The following EML5 variants were observed in gnomAD, a reference collection of about 807,000 sequenced individuals.
EML5 encodes EMAP like 5, also known as echinoderm microtubule-associated protein-like 5.
Under a neutral mutation model 250.0 loss-of-function variants are expected in EML5, and 120 were observed. That is an observed-to-expected ratio of 0.48 (90% CI 0.41 to 0.56). The LOEUF is 0.56. Among genes scored for constraint, EML5 ranks in the 20% least tolerant of loss-of-function variants. EML5 has a pLI of 0.00. For missense variants in EML5, 2,006 were observed against 2,437.6 expected (o/e 0.82, Z 3.73); for synonymous variants, 771 against 806.5 (o/e 0.96, Z 0.75).
chr14:88,786,586 G>A (rs146669025), intron 1 of EML5, among the ~76,000 whole-genome samples: 21 of 152,252 alleles, frequency 1.4e-4, no homozygotes, highest in African/African-American at 3.9e-4. Context: ...ATCTCATCTC[G>A]AATTGTACTC....
At position 88,700,495 on chromosome 14, in the gene EML5, A is replaced by G. The variant is rs151322404; in HGVS notation, c.2238+1951T>C. On this transcript the variant is annotated intron_variant, in intron 14 of 43. Transcript: ENST00000554922. The stretch of plus-strand genomic sequence containing the variant: ...TTCAGGAAACAAAGCATCAAAACAC[A>G]AAGGAAAAATTTCCAATCAAGGAAT... Among the ~76,000 whole-genome samples, 869 of 152,278 alleles carry G rather than the reference A, an allele frequency of 5.7e-3. 9 individuals carry two copies. Among genetic ancestry groups the G allele is most frequent in the South Asian group, 0.054 (262 of 4,816 alleles).
At chr14:88,667,618 T>C (rs1412118366) in intron 21 of EML5, among the ~76,000 whole-genome samples, 1 of 152,160 alleles carries the variant, frequency 6.6e-6, no homozygotes, top group African/African-American at 2.4e-5. Context: ...CCTCACAGAC[T>C]TTTTTGCTAG....
intron 1 of EML5, among the ~76,000 whole-genome samples, chr14:88,781,847 T>C (rs1377137441): frequency 6.6e-6 from 1 of 152,234 alleles, no homozygotes; most frequent in African/African-American, 2.4e-5. Context: ...ATTAAACCTC[T>C]TTCCTTTACA....
At chr14:88,711,150 T>C (rs1024550091) in intron 10 of EML5, among the ~76,000 whole-genome samples, 4 of 152,002 alleles carry the variant, frequency 2.6e-5, no homozygotes, top group African/African-American at 4.8e-5. Flanking sequence ...GTCCTGGCTA[T>C]GTGGTGGGAC....
chr14:88,628,033 T>C (rs773894245), intron 33 of EML5: 1 of 594,202 alleles, frequency 1.7e-6, no homozygotes, highest in Non-Finnish European at 3.0e-6. Context: ...ATAGAACACT[T>C]CTTCAGGCCA....
intron 21 of EML5, among the ~76,000 whole-genome samples, chr14:88,677,540 T>C (rs1044501173): frequency 6.6e-6 from 1 of 152,228 alleles, no homozygotes; most frequent in Non-Finnish European, 1.5e-5. Context: ...AGAAAATTTT[T>C]TGCAATCTGT....
rs2087270956 is a variant in EML5, at chr14:88,614,319, C to T, written c.*1499G>A. ...GAATCCACTGATGAACAAGTACCAA[C>T]TTACGTTTCAAGCTTCTTAGCCCCA... On this transcript the variant is annotated 3_prime_UTR_variant, in exon 44 of 44. Coordinates refer to ENST00000554922, the MANE Select transcript of EML5 (RefSeq NM_183387.3). 1 of 152,186 alleles carries T rather than the reference C, an allele frequency of 6.6e-6. No individual in the cohort carries two copies. Among genetic ancestry groups the T allele is most frequent in the African/African-American group, 2.4e-5 (1 of 41,440 alleles). 9.4% of individuals were successfully genotyped at this position (152,186 alleles called of 1,614,324 possible). A position where few individuals can be genotyped will look rare whatever the true frequency, so the allele number is the denominator to read the frequency against.
chr14:88,742,992 G>A (rs1317635413), intron 4 of EML5, among the ~76,000 whole-genome samples: 1 of 152,004 alleles, frequency 6.6e-6, no homozygotes, highest in Non-Finnish European at 1.5e-5. Flanking sequence ...ATTCCAATTT[G>A]TTCCAATGAT....
At chr14:88,630,601 T>G (rs919606739) in intron 33 of EML5, among the ~76,000 whole-genome samples, 4 of 152,186 alleles carry the variant, frequency 2.6e-5, no homozygotes, top group African/African-American at 9.6e-5. Context: ...CCTCAGTGAT[T>G]AGTTTAATAA....
At chr14:88,669,184 C>G (rs529175152) in intron 21 of EML5, among the ~76,000 whole-genome samples, 1 of 152,186 alleles carries the variant, frequency 6.6e-6, no homozygotes, top group African/African-American at 2.4e-5. Flanking sequence ...ATCAGGAGAT[C>G]CCCTCCGTGA....
intron 1 of EML5, among the ~76,000 whole-genome samples, chr14:88,777,116 C>CA (rs2094454444): frequency 6.6e-6 from 1 of 151,788 alleles, no homozygotes; most frequent in African/African-American, 2.4e-5. Context: ...AGATTTAACC[C>CA]AAAAAAGACT....
chr14:88,663,725 G>C (rs1421654678), intron 23 of EML5, among the ~76,000 whole-genome samples: 1 of 150,688 alleles, frequency 6.6e-6, no homozygotes, highest in Non-Finnish European at 1.5e-5. Flanking sequence ...TTTAGGAATG[G>C]GGTCTCACTG....
At chr14:88,650,460 A>G (rs1285999819) in intron 27 of EML5, among the ~76,000 whole-genome samples, 1 of 152,220 alleles carries the variant, frequency 6.6e-6, no homozygotes, top group Non-Finnish European at 1.5e-5. Flanking sequence ...TCTCAAAAGA[A>G]CAAAACAAAA....
Position 88,680,167 on chromosome 14 carries a change from AG to A in EML5, c.3124+1722del, listed in dbSNP as rs1300705275. Among the ~76,000 whole-genome samples the A allele has an allele frequency of 1.5e-4, 23 of 152,258 alleles. No homozygotes were observed. In the East Asian group the frequency reaches 3.7e-3, roughly 24 times the overall value. On this transcript the variant is annotated intron_variant, in intron 21 of 43. Coordinates refer to ENST00000554922, the MANE Select transcript of EML5 (RefSeq NM_183387.3). ...ATACTAAACATTAAATTATATATTT[AG>A]TTTCACTAATTTTTACTTTAAATTT...
At position 88,644,566 on chromosome 14, in the gene EML5, G is replaced by A. The variant is rs1239042907; in HGVS notation, c.4029-55C>T. 3 of 1,528,870 alleles carry A rather than the reference G, an allele frequency of 2.0e-6. No individual in the cohort carries two copies. The African/African-American group carries it at 4.1e-5, about 21-fold the overall frequency. 94.7% of individuals were successfully genotyped at this position (1,528,870 alleles called of 1,614,324 possible). ...GCATGCAGCACTCAGTGCCTTCACT[G>A]AGCCTCTCACACCATCCCTCCCAGA... On this transcript the variant is annotated intron_variant, in intron 29 of 43. Transcript: ENST00000554922.
chr14:88,651,156 T>C (rs996701817), intron 27 of EML5, among the ~76,000 whole-genome samples: 10 of 23,118 alleles, frequency 4.3e-4, no homozygotes, highest in Non-Finnish European at 6.3e-4. Flanking sequence ...GTCATTTTCT[T>C]TTTTTTTTTT....
intron 43 of EML5, 125 bp downstream of exon 43, chr14:88,616,017 T>G: frequency 7.8e-7 from 1 of 1,280,158 alleles, no homozygotes; most frequent in South Asian, 1.3e-5. Context: ...AAGAGCCATC[T>G]GGTTATACTA....
intron 17 of EML5, among the ~76,000 whole-genome samples, chr14:88,693,942 T>TC (rs1402921494): frequency 1.3e-5 from 2 of 150,628 alleles, no homozygotes; most frequent in Non-Finnish European, 3.0e-5. Flanking sequence ...AGCTAATTTT[T>TC]TTTTTTTTTT....
chr14:88,758,019 ATT>A lies in EML5; in HGVS notation c.198-3350_198-3349del, dbSNP rs59074536. Among the ~76,000 whole-genome samples, 475 of 129,208 alleles carry A rather than the reference ATT, an allele frequency of 3.7e-3. 3 individuals are homozygous for A. Among genetic ancestry groups the A allele is most frequent in the African/African-American group, 0.013 (431 of 34,150 alleles). The allele number at this position is 129,208 out of a possible 152,430, so 84.8% of individuals were successfully genotyped here. A position where few individuals can be genotyped will look rare whatever the true frequency, so the allele number is the denominator to read the frequency against. The stretch of plus-strand genomic sequence containing the variant: ...AGGTGGGTGCCACCACACCTGTCTA[ATT>A]TTTTTTTTTTTTTTTTGTAGAGATG... On this transcript the variant is annotated intron_variant, in intron 1 of 43. Transcript: ENST00000554922.
Sources: gnomAD v4.1 joint callset for allele counts (sites outside exome capture counted in the v4.1 genomes callset) on GRCh38, gnomAD v4.1.1 for gene constraint, MANE v1.5 for transcripts, NCBI Gene and HGNC (gene_info 2026-07-23, HGNC 2026-07-21) for gene names.